The following CUL1 variants were observed in gnomAD, a reference collection of about 807,000 sequenced individuals.
CUL1 encodes the protein cullin-1.
A neutral mutation model predicts 118.0 loss-of-function variants in CUL1; 24 were observed. That is an observed-to-expected ratio of 0.20 (90% CI 0.15 to 0.29). CUL1 has a LOEUF of 0.29. CUL1 is among the 10% of genes least tolerant of loss of function. The pLI is 1.00. For synonymous variants in CUL1, 332 were observed against 340.4 expected (o/e 0.98, Z 0.27); for missense variants, 361 against 933.8 (o/e 0.39, Z 7.99).
intron 2 of CUL1, among the ~76,000 whole-genome samples, chr7:148,734,771 C>T (rs549700800): frequency 1.1e-4 from 16 of 152,276 alleles, no homozygotes; most frequent in African/African-American, 2.9e-4. Context: ...CGGCCTAGCT[C>T]GTGCAGGTGT....
At chr7:148,757,248 GCTTTTTT>G in intron 4 of CUL1, 98 bp downstream of exon 4, 1 of 663,042 alleles carries the variant, frequency 1.5e-6, no homozygotes, top group Non-Finnish European at 2.2e-6. Context: ...CAAATATTAA[GCTTTTTT>G]CAGAATAGTA....
Position 148,787,947 on chromosome 7 carries a change from G to A in CUL1, c.1480-610G>A, listed in dbSNP as rs1800873848. On this transcript the variant is annotated intron_variant, in intron 13 of 21. Transcript: ENST00000325222. The surrounding 1 kb of genome is among the most constrained non-coding windows in gnomAD (Gnocchi z 5.5). ...TGCCATGACGGAATACCATAGACCA[G>A]GTAGCTTAAACAACAGAAATAGTTT... Among the ~76,000 whole-genome samples, 1 of 152,188 alleles carries A rather than the reference G, an allele frequency of 6.6e-6. No individual in the cohort carries two copies. The highest frequency in any genetic ancestry group is 1.5e-5 in the Non-Finnish European group (1 of 68,038).
At chr7:148,727,448 A>G (rs1798623203) in intron 1 of CUL1, among the ~76,000 whole-genome samples, 1 of 152,184 alleles carries the variant, frequency 6.6e-6, no homozygotes, top group African/African-American at 2.4e-5. Context: ...TTATTCCTTC[A>G]TTTATTTATG....
At chr7:148,773,224 C>A (rs1338993374) in intron 9 of CUL1, among the ~76,000 whole-genome samples, 1 of 152,096 alleles carries the variant, frequency 6.6e-6, no homozygotes, top group Non-Finnish European at 1.5e-5. Flanking sequence ...AAATCAAAAT[C>A]CTCTAATTAG....
chr7:148,761,963 G>A (rs547415750), intron 7 of CUL1, among the ~76,000 whole-genome samples: 6 of 152,210 alleles, frequency 3.9e-5, no homozygotes, highest in Non-Finnish European at 8.8e-5. Flanking sequence ...GCTCCTATGA[G>A]AATCTAATGC....
intron 2 of CUL1, among the ~76,000 whole-genome samples, chr7:148,739,308 A>T (rs1302568750): frequency 6.6e-6 from 1 of 152,162 alleles, no homozygotes; most frequent in Non-Finnish European, 1.5e-5. Flanking sequence ...AGTTCAGTTG[A>T]TTTAAAGCTG....
Position 148,800,640 on chromosome 7 carries a change from T to C in CUL1, c.*58T>C. The C allele has an allele frequency of 1.4e-6, 2 of 1,396,346 alleles. No individual in the cohort carries two copies. Among genetic ancestry groups the C allele is most frequent in the Admixed American group, 1.8e-5 (1 of 55,454 alleles). The allele number at this position is 1,396,346 out of a possible 1,614,324, so 86.5% of individuals were successfully genotyped here. ...AGCAAATAGTTCATGTTGGAAAGAA[T>C]GAAAACAACTCAAGTTCATAGCAGC... On this transcript the variant is annotated 3_prime_UTR_variant, in exon 22 of 22. Coordinates refer to ENST00000325222, the MANE Select transcript of CUL1 (RefSeq NM_003592.3). This position sits in a 1 kb window ranked among gnomAD's most constrained non-coding sequence, Gnocchi z 4.6.
chr7:148,714,904 G>A (rs1798165404), intron 1 of CUL1, among the ~76,000 whole-genome samples: 1 of 152,174 alleles, frequency 6.6e-6, no homozygotes, highest in Non-Finnish European at 1.5e-5. Context: ...TGTTTTGTGT[G>A]TGAGAGGGTC....
intron 1 of CUL1, among the ~76,000 whole-genome samples, chr7:148,702,415 A>G (rs1193716759): frequency 6.6e-6 from 1 of 152,212 alleles, no homozygotes; most frequent in East Asian, 1.9e-4. Flanking sequence ...TTTAATTGAC[A>G]CTGTTGATTT....
intron 4 of CUL1, among the ~76,000 whole-genome samples, chr7:148,757,734 A>C (rs1799702227): frequency 6.6e-6 from 1 of 152,236 alleles, no homozygotes; most frequent in South Asian, 2.1e-4. Context: ...AAGCAAAGGA[A>C]GTGTAATGGG....
At chr7:148,782,133 A>G (rs976763278) in intron 9 of CUL1, among the ~76,000 whole-genome samples, 2 of 152,252 alleles carry the variant, frequency 1.3e-5, no homozygotes, top group Admixed American at 6.5e-5. Flanking sequence ...AGAGAGAAGA[A>G]TATGTGAATG....
rs779425448 is a variant in CUL1 at position 148,780,386 on chromosome 7, A to C, written c.1084-3397A>C. On this transcript the variant is annotated intron_variant, in intron 9 of 21. Transcript: ENST00000325222. ...CTCTTTCTAATTGTGAATATATTTG[A>C]ATTTTTTCCACAATAAAACGTTGAA... is the stretch of plus-strand genomic sequence containing the variant. 7.5e-4 allele frequency among the ~76,000 whole-genome samples: 115 copies of C among 152,340 alleles called. 2 individuals are homozygous for C. Among genetic ancestry groups the C allele is most frequent in the Non-Finnish European group, 6.5e-4 (44 of 68,032 alleles).
intron 15 of CUL1, among the ~76,000 whole-genome samples, 197 bp downstream of exon 15, chr7:148,790,023 C>T (rs60364577): frequency 0.029 from 4,369 of 152,318 alleles, 205 homozygotes; most frequent in African/African-American, 0.1. Context: ...GGCTGTCTGT[C>T]CCAGCTCTAC....
chr7:148,776,534 C>T (rs1800407641), intron 9 of CUL1, among the ~76,000 whole-genome samples: 1 of 151,864 alleles, frequency 6.6e-6, no homozygotes, highest in African/African-American at 2.4e-5. Context: ...CTAGGCAGGT[C>T]TCAAACTCCT....
chr7:148,773,002 A>G (rs1380640330), intron 9 of CUL1, among the ~76,000 whole-genome samples: 2 of 151,958 alleles, frequency 1.3e-5, no homozygotes, highest in Admixed American at 6.6e-5. Context: ...CAAGGCTACC[A>G]TCTTAATCTG....
chr7:148,784,191 T>C (rs1800745668), intron 11 of CUL1, 114 bp downstream of exon 11: 2 of 843,540 alleles, frequency 2.4e-6, no homozygotes, highest in Admixed American at 2.4e-5. Flanking sequence ...TTTTGTACCT[T>C]ATGAGAAAAA....
In CUL1 at chr7:148,800,719, A is replaced by G; in HGVS notation, c.*137A>G. The G allele has an allele frequency of 1.5e-6, 1 of 651,500 alleles. No homozygotes were observed. The highest frequency in any genetic ancestry group is 2.7e-6 in the Non-Finnish European group (1 of 369,128). The allele number at this position is 651,500 out of a possible 1,614,324, so 40.4% of individuals were successfully genotyped here. ...AAAAACTGAGACCAAGACTCCCATC[A>G]GCTGGTCTCGGATTTACATCGGAAC... On this transcript the variant is annotated 3_prime_UTR_variant, in exon 22 of 22. Coordinates refer to ENST00000325222, the MANE Select transcript of CUL1 (RefSeq NM_003592.3). The surrounding 1 kb of genome is among the most constrained non-coding windows in gnomAD (Gnocchi z 4.6).
upstream of CUL1, chr7:148,698,192 A>T (rs1330489230): frequency 2.6e-5 from 4 of 152,168 alleles, no homozygotes; most frequent in Non-Finnish European, 5.9e-5. Flanking sequence ...GTCCGCGCCG[A>T]TTCGGAGGGC....
chr7:148,797,725 A>C, intron 17 of CUL1, 87 bp from the exon 18 acceptor site: 1 of 934,410 alleles, frequency 1.1e-6, no homozygotes, highest in Non-Finnish European at 1.6e-6. Context: ...TTTTTAATGG[A>C]AAATGGACTG....
Sources: allele counts gnomAD v4.1 joint callset (sites outside exome capture counted in the v4.1 genomes callset), GRCh38; gene constraint gnomAD v4.1.1; non-coding constraint Gnocchi (gnomAD v3.1); transcripts MANE v1.5; gene names NCBI Gene and HGNC (gene_info 2026-07-23, HGNC 2026-07-21).